Variants in PDE4D observed in about 807,000 individuals in gnomAD.
The protein encoded by PDE4D is 3',5'-cyclic-AMP phosphodiesterase 4D.
Under a neutral mutation model 87.4 loss-of-function variants are expected in PDE4D, and 24 were observed. That is an observed-to-expected ratio of 0.27 (90% CI 0.20 to 0.39). The LOEUF (loss-of-function observed/expected upper bound fraction) is 0.39. Among genes scored for constraint, PDE4D ranks in the 10% least tolerant of loss-of-function variants. The pLI, the probability that PDE4D is intolerant of heterozygous loss-of-function variation, is 1.00. For synonymous variants in PDE4D, 384 were observed against 383.2 expected, an observed-to-expected ratio of 1.00 and a Z score of -0.02; for missense variants, 714 against 1,041.0, an observed-to-expected ratio of 0.69 and a Z score of 4.32.
At chr5:60,249,301 A>G (rs1026519501) in intron 1 of PDE4D, among the ~76,000 whole-genome samples, 1 of 152,030 alleles carries the variant, frequency 6.6e-6, no homozygotes, top group African/African-American at 2.4e-5. Flanking sequence ...TCTATTAAAC[A>G]TTTAGGTAAA....
At chr5:59,334,246 A>ATTTT (rs1777240584) in intron 1 of PDE4D, among the ~76,000 whole-genome samples, 1 of 98,752 alleles carries the variant, frequency 1.0e-5, no homozygotes, top group Non-Finnish European at 2.0e-5. Flanking sequence ...GATCCAGTGG[A>ATTTT]GTTTTTTTTT....
At chr5:60,253,490 G>T (rs180862305) in intron 1 of PDE4D, among the ~76,000 whole-genome samples, 4 of 151,880 alleles carry the variant, frequency 2.6e-5, no homozygotes, top group Admixed American at 2.6e-4. Flanking sequence ...AGTCTTCTTT[G>T]GAATATTAGG....
intron 1 of PDE4D, among the ~76,000 whole-genome samples, chr5:59,233,604 C>G (rs1270074038): frequency 1.3e-5 from 2 of 152,090 alleles, no homozygotes; most frequent in African/African-American, 4.8e-5. Context: ...CTTTCTAGAG[C>G]CAAATGTTCC....
At chr5:60,431,288 C>T (rs1236117230) in intron 1 of PDE4D, among the ~76,000 whole-genome samples, 2 of 150,884 alleles carry the variant, frequency 1.3e-5, no homozygotes, top group African/African-American at 4.9e-5. Flanking sequence ...GGGCAGCTGC[C>T]GGGCGGAGGG....
intron 5 of PDE4D, among the ~76,000 whole-genome samples, chr5:59,107,961 A>C (rs1402790013): frequency 6.6e-6 from 1 of 152,216 alleles, no homozygotes; most frequent in East Asian, 1.9e-4. Flanking sequence ...AGAAAGAAAG[A>C]AAGCAGGTCA....
chr5:58,999,506 A>T (rs1749991144), intron 6 of PDE4D: 1 of 1,532,742 alleles, frequency 6.5e-7, no homozygotes, highest in African/African-American at 1.4e-5. Flanking sequence ...TAGCCCCAAG[A>T]CACTGACAGT....
intron 1 of PDE4D, among the ~76,000 whole-genome samples, chr5:60,513,455 T>C (rs1388692881): frequency 2.0e-5 from 3 of 151,982 alleles, no homozygotes; most frequent in Non-Finnish European, 4.4e-5. Flanking sequence ...ATGAACAGAA[T>C]TACAAAAACT....
At chr5:59,087,714 C>T (rs1767964605) in intron 5 of PDE4D, among the ~76,000 whole-genome samples, 1 of 152,154 alleles carries the variant, frequency 6.6e-6, no homozygotes, top group Admixed American at 6.5e-5. Flanking sequence ...ACCTCTCTCA[C>T]TCCTTCCCCA....
intron 2 of PDE4D, among the ~76,000 whole-genome samples, chr5:60,130,828 C>T (rs1303164949): frequency 6.6e-6 from 1 of 152,120 alleles, no homozygotes; most frequent in African/African-American, 2.4e-5. Flanking sequence ...CTATGGGTCC[C>T]AGGTTGGTGT....
At chr5:59,278,084 A>T (rs76145260) in intron 1 of PDE4D, among the ~76,000 whole-genome samples, 7,020 of 152,120 alleles carry the variant, frequency 0.046, 223 homozygotes, top group African/African-American at 0.089. Flanking sequence ...GACCATTGAG[A>T]TTTAAATTTA....
intron 1 of PDE4D, among the ~76,000 whole-genome samples, chr5:60,354,177 A>G (rs1036119302): frequency 5.3e-5 from 8 of 152,166 alleles, no homozygotes; most frequent in African/African-American, 1.9e-4. Flanking sequence ...AAAATGGGGG[A>G]AAGGAGGTAT....
chr5:59,282,335 G>A (rs952729589), intron 1 of PDE4D, among the ~76,000 whole-genome samples: 1 of 152,044 alleles, frequency 6.6e-6, no homozygotes, highest in African/African-American at 2.4e-5. Flanking sequence ...GATAAATTGA[G>A]ATTTTCATTA....
intron 1 of PDE4D, among the ~76,000 whole-genome samples, chr5:59,628,318 T>C (rs552502868): frequency 2.4e-4 from 37 of 152,306 alleles, no homozygotes; most frequent in Middle Eastern, 6.8e-3. Context: ...GGGTCTGAAC[T>C]GAATTATCAC....
chr5:59,846,318 C>T (rs1743837766), intron 1 of PDE4D, among the ~76,000 whole-genome samples: 1 of 152,012 alleles, frequency 6.6e-6, no homozygotes, highest in African/African-American at 2.4e-5. Context: ...TAAAACTCAT[C>T]AGTTCCCTCT....
chr5:59,172,820 C>T (rs1340618307), intron 5 of PDE4D: 3 of 151,826 alleles, frequency 2.0e-5, no homozygotes, highest in African/African-American at 4.8e-5. Context: ...TTTCTTGAAC[C>T]AGTAGTCACA....
chr5:59,436,720 T>C (rs1796843756), intron 1 of PDE4D, among the ~76,000 whole-genome samples: 1 of 152,208 alleles, frequency 6.6e-6, no homozygotes, highest in South Asian at 2.1e-4. Context: ...GCATAAGGTC[T>C]CATCTTTTTA....
chr5:59,653,096 A>C (rs1743773377), intron 1 of PDE4D, among the ~76,000 whole-genome samples: 1 of 152,160 alleles, frequency 6.6e-6, no homozygotes, highest in African/African-American at 2.4e-5. Flanking sequence ...TTAAACTGAA[A>C]GATATCATCC....
chr5:59,818,177 G>A (rs144457211), intron 1 of PDE4D, among the ~76,000 whole-genome samples: 1 of 152,328 alleles, frequency 6.6e-6, no homozygotes, highest in East Asian at 1.9e-4. Context: ...TTATCAGCAT[G>A]TTTTTGAAAA....
chr5:59,681,325 T>C (rs1464184042), intron 1 of PDE4D, among the ~76,000 whole-genome samples: 1 of 152,090 alleles, frequency 6.6e-6, no homozygotes, highest in African/African-American at 2.4e-5. Context: ...ACCTGCTAAA[T>C]AAAGAATTCA....
Sources: gnomAD v4.1 joint callset for allele counts (sites outside exome capture counted in the v4.1 genomes callset) on GRCh38, gnomAD v4.1.1 for gene constraint, MANE v1.5 for transcripts, NCBI Gene and HGNC (gene_info 2026-07-23, HGNC 2026-07-21) for gene names.